The following MDN1 variants were observed in gnomAD, a reference collection of about 807,000 sequenced individuals.
MDN1 encodes the protein midasin.
In MDN1, 266 loss-of-function variants were observed where a neutral mutation model predicts 669.2. That is an observed-to-expected ratio of 0.40 (90% CI 0.36 to 0.44). MDN1 has a LOEUF of 0.44. Among genes scored for constraint, MDN1 ranks in the 20% least tolerant of loss-of-function variants. The pLI, the probability that MDN1 is intolerant of heterozygous loss-of-function variation, is 1.00. For synonymous variants in MDN1, 2,385 were observed against 2,457.1 expected, an observed-to-expected ratio of 0.97 and a Z score of 0.87; for missense variants, 5,940 against 6,754.0, an observed-to-expected ratio of 0.88 and a Z score of 4.22.
intron 13 of MDN1, among the ~76,000 whole-genome samples, chr6:89,773,548 A>G (rs1173439325): frequency 4.0e-5 from 6 of 151,628 alleles, no homozygotes; most frequent in Admixed American, 1.3e-4. Flanking sequence ...TCAAAAAAAA[A>G]AAAAAAAGAA....
rs557206385 is a variant in MDN1, at chr6:89,653,466, C to CT, written c.15662-312dup. ...TTCTTGAAACTATATGCATGTAAAA[C>CT]TTTGACAGAAATAAAAACTAAAAGC... On this transcript the variant is annotated intron_variant, in intron 93 of 101. Coordinates refer to ENST00000369393, the MANE Select transcript of MDN1 (RefSeq NM_014611.3). 4.8e-4 allele frequency among the ~76,000 whole-genome samples: 73 copies of CT among 152,178 alleles called. 1 individual carries two copies. The highest frequency in any genetic ancestry group is 8.7e-4 in the Non-Finnish European group (59 of 68,026).
At position 89,811,449 on chromosome 6, in the gene MDN1, T is replaced by A. The variant is rs541932541; in HGVS notation, c.103-7895A>T. ...AAAGGATTTACTTCTTTTTATTTTT[T>A]TTTTTTAAGATAGGGTCTCACTCTG... On this transcript the variant is annotated intron_variant, in intron 1 of 101. Transcript: ENST00000369393. 5.7e-4 allele frequency among the ~76,000 whole-genome samples: 87 copies of A among 152,166 alleles called. 1 individual carries two copies. The South Asian group carries it at 0.015, about 26-fold the overall frequency.
At chr6:89,814,710 T>C (rs1382715982) in intron 1 of MDN1, 1 of 302,208 alleles carries the variant, frequency 3.3e-6, no homozygotes, top group Non-Finnish European at 6.6e-6. Flanking sequence ...AGGGCCTCCA[T>C]GCACCGGAGA....
chr6:89,786,924 C>CAAAA (rs35077997), intron 8 of MDN1, among the ~76,000 whole-genome samples: 9 of 76,574 alleles, frequency 1.2e-4, no homozygotes, highest in African/African-American at 1.7e-4. Flanking sequence ...GACTCCATCT[C>CAAAA]AAAAAAAAAA....
At chr6:89,788,777 G>C (rs1819101177) in intron 7 of MDN1, among the ~76,000 whole-genome samples, 1 of 152,188 alleles carries the variant, frequency 6.6e-6, no homozygotes, top group South Asian at 2.1e-4. Flanking sequence ...AAAGGCAAGA[G>C]AGATAGGTAG....
At chr6:89,788,188 GAC>G (rs1436681545) in intron 7 of MDN1, among the ~76,000 whole-genome samples, 1 of 152,106 alleles carries the variant, frequency 6.6e-6, no homozygotes, top group Non-Finnish European at 1.5e-5. Flanking sequence ...AACCAAGCAA[GAC>G]ACAAGAATAC....
intron 11 of MDN1, among the ~76,000 whole-genome samples, chr6:89,777,670 C>T (rs1818422567): frequency 6.6e-6 from 1 of 152,124 alleles, no homozygotes; most frequent in Non-Finnish European, 1.5e-5. Flanking sequence ...ATAGATAACA[C>T]CACTATCGTA....
At position 89,700,809 on chromosome 6, in the gene MDN1, T is replaced by G; in HGVS notation, c.8475A>C (p.Lys2825Asn). The change falls in exon 56 of 102, where the codon AAA becomes AAC. Residue 2825 changes from lysine (K) to asparagine (N), a missense_variant. Around this residue, in one of 5 missense-constraint regions of MDN1, gnomAD observed 2,292 missense variants for 2,638.3 expected, o/e 0.87. Coordinates refer to ENST00000369393, the MANE Select transcript of MDN1 (RefSeq NM_014611.3). Reference sequence around the variant, plus strand: ...ACATCTGCTCCCTGATGGCAAGGACTTTGTTAAGGACCTTCAGTTGTGAAA... The same window carrying G: ...ACATCTGCTCCCTGATGGCAAGGACGTTGTTAAGGACCTTCAGTTGTGAAA... Reference protein sequence around the residue: ...ECFSQLKVLNKVLAIREQMSA... With the variant: ...ECFSQLKVLNNVLAIREQMSA... 1 of 1,614,212 alleles carries G rather than the reference T, an allele frequency of 6.2e-7. No homozygotes were observed. The highest frequency in any genetic ancestry group is 8.5e-7 in the Non-Finnish European group (1 of 1,180,028).
Position 89,751,518 on chromosome 6 carries a change from T to TCTCCCAC in MDN1, c.3133_3139dup (p.Asp1047GlyfsTer10). ...CGTCTCATCTATTGTAGGCTCCTTG[T>TCTCCCAC]CTCCCACCGCAATCCAGTAGCCTTC... On this transcript the variant is annotated frameshift_variant, in exon 23 of 102. Transcript: ENST00000369393. LOFTEE classifies it high-confidence loss of function. 1 of 1,614,096 alleles carries TCTCCCAC rather than the reference T, an allele frequency of 6.2e-7. No individual in the cohort carries two copies. The highest frequency in any genetic ancestry group is 8.5e-7 in the Non-Finnish European group (1 of 1,180,010).
intron 84 of MDN1, among the ~76,000 whole-genome samples, chr6:89,666,542 C>G (rs1430175406): frequency 1.3e-5 from 2 of 152,088 alleles, no homozygotes; most frequent in African/African-American, 4.8e-5. Context: ...TATGTTGCCC[C>G]GGCTGGTCTC....
chr6:89,652,879 A>G, intron 94 of MDN1, 113 bp downstream of exon 94: 1 of 1,160,982 alleles, frequency 8.6e-7, no homozygotes, highest in Non-Finnish European at 1.2e-6. Context: ...GAAACCCCTC[A>G]ACAACCAGAT....
At chr6:89,762,553 T>C in intron 15 of MDN1, 23 bp from the exon 16 acceptor site, 1 of 1,555,218 alleles carries the variant, frequency 6.4e-7, no homozygotes, top group East Asian at 2.3e-5. Context: ...CAGGTAAATG[T>C]GATTCACAAA....
chr6:89,677,813 A>C lies in MDN1; in HGVS notation c.12413-117T>G, dbSNP rs367823223. Reference sequence around the variant, plus strand: ...AAACAGCATCACCTGAGAGCTTGTTAGAAATGCAGACTCTCAGGCTGCACC... The same window carrying C: ...AAACAGCATCACCTGAGAGCTTGTTCGAAATGCAGACTCTCAGGCTGCACC... On this transcript the variant is annotated intron_variant, in intron 75 of 101. Transcript: ENST00000369393. 12 of 1,350,044 alleles carry C rather than the reference A, an allele frequency of 8.9e-6. No homozygotes were observed. The Admixed American group carries it at 9.9e-5, about 11-fold the overall frequency. 83.6% of individuals were successfully genotyped at this position (1,350,044 alleles called of 1,614,324 possible).
intron 43 of MDN1, 127 bp downstream of exon 43, chr6:89,718,239 C>A: frequency 9.0e-7 from 1 of 1,110,636 alleles, no homozygotes; most frequent in Non-Finnish European, 1.3e-6. Context: ...CTAGGTCAAA[C>A]TTTCCCACAA....
intron 31 of MDN1, among the ~76,000 whole-genome samples, chr6:89,742,413 A>T (rs1407907074): frequency 7.3e-6 from 1 of 137,374 alleles, no homozygotes; most frequent in Non-Finnish European, 1.5e-5. Context: ...GTCTAAAAAA[A>T]TAAACAAACA....
chr6:89,715,613 C>T, intron 45 of MDN1, 40 bp downstream of exon 45: 1 of 1,226,120 alleles, frequency 8.2e-7, no homozygotes, highest in African/African-American at 1.5e-5. Context: ...GCTACTGAGG[C>T]TGTCAGATTC....
intron 96 of MDN1, 94 bp downstream of exon 96, chr6:89,650,638 G>T (rs1408906963): frequency 9.9e-6 from 9 of 905,962 alleles, no homozygotes; most frequent in Admixed American, 6.5e-5. Flanking sequence ...CCTAGAAGCT[G>T]GCACTATAAA....
intron 20 of MDN1, 85 bp downstream of exon 20, chr6:89,756,192 A>G (rs1391175361): frequency 3.4e-6 from 2 of 595,760 alleles, no homozygotes; most frequent in African/African-American, 1.9e-5. Context: ...GAAGTAAAAA[A>G]GAATACATAT....
Position 89,678,645 on chromosome 6 carries a change from T to C in MDN1, c.12366A>G (p.Gln4122=). ...AGAGGTCTGACAAAGCTCGCTGTTT[T>C]TGCATGAGAATGTGCTTGGCTTCTG... ...QRSEAKHILM[Q]KQRALSDLFK... is the part of the protein sequence containing the mutation. Residue 4122 remains glutamine (Q), a synonymous_variant, in exon 75 of 102, where the codon CAA becomes CAG. Coordinates refer to ENST00000369393, the MANE Select transcript of MDN1 (RefSeq NM_014611.3). The C allele has an allele frequency of 1.2e-6, 2 of 1,614,210 alleles. No homozygotes were observed. Among genetic ancestry groups the C allele is most frequent in the Non-Finnish European group, 8.5e-7 (1 of 1,180,026 alleles).
Sources: allele counts gnomAD v4.1 joint callset (sites outside exome capture counted in the v4.1 genomes callset), GRCh38; gene constraint gnomAD v4.1.1; regional missense constraint gnomAD v4.1.1; transcripts MANE v1.5; gene names NCBI Gene and HGNC (gene_info 2026-07-23, HGNC 2026-07-21).